Variants in FRK observed in about 807,000 individuals in gnomAD.
FRK encodes the protein tyrosine-protein kinase FRK.
Under a neutral mutation model 56.4 loss-of-function variants are expected in FRK, and 51 were observed. The ratio of observed to expected loss-of-function variants is 0.90; its 90% CI spans 0.72 to 1.14. The LOEUF is 1.14. Ranked by LOEUF, FRK falls within the 50% of genes most tolerant of loss-of-function variation. The pLI is 0.00. For missense variants in FRK, 570 were observed against 601.4 expected, an observed-to-expected ratio of 0.95 and a Z score of 0.55; for synonymous variants, 245 against 217.9, an observed-to-expected ratio of 1.12 and a Z score of -1.10.
chr6:115,997,288 G>A (rs1397362573), intron 2 of FRK, among the ~76,000 whole-genome samples: 1 of 152,016 alleles, frequency 6.6e-6, no homozygotes, highest in Non-Finnish European at 1.5e-5. Flanking sequence ...CACTAGAGAG[G>A]CCTATTATAT....
the FRK span, among the ~76,000 whole-genome samples, chr6:116,089,392 C>T: frequency 2.6e-5 from 4 of 152,322 alleles, no homozygotes; most frequent in Admixed American, 2.6e-4. Flanking sequence ...AAAATGAACT[C>T]TAGACTCTAA....
chr6:116,070,847 T>G, the FRK span, among the ~76,000 whole-genome samples: 1 of 152,168 alleles, frequency 6.6e-6, no homozygotes, highest in South Asian at 2.1e-4. Flanking sequence ...TGGATAGAGC[T>G]TCAAGAATTT....
chr6:116,064,910 C>G (rs1230917746), upstream of FRK, among the ~76,000 whole-genome samples: 3 of 152,202 alleles, frequency 2.0e-5, no homozygotes, highest in Non-Finnish European at 4.4e-5. Flanking sequence ...TTAGATCTCC[C>G]ATATGCCTCA....
the FRK span, among the ~76,000 whole-genome samples, chr6:116,066,926 G>A: frequency 6.6e-6 from 1 of 152,136 alleles, no homozygotes; most frequent in Non-Finnish European, 1.5e-5. Flanking sequence ...CATGTCTCAT[G>A]GGTTGAATTG....
intron 4 of FRK, 79 bp from the exon 5 acceptor site, chr6:115,956,689 A>T: frequency 8.7e-7 from 1 of 1,153,446 alleles, no homozygotes; most frequent in Non-Finnish European, 1.2e-6. Flanking sequence ...GGAATCATCA[A>T]GATTGCCTCC....
At chr6:116,082,119 C>T in the FRK span, among the ~76,000 whole-genome samples, 7 of 152,058 alleles carry the variant, frequency 4.6e-5, no homozygotes, top group South Asian at 8.3e-4. Flanking sequence ...AGTGATAAAC[C>T]GCTGAAAGAT....
In FRK at chr6:116,023,722, G is replaced by A. The variant is rs563397863; in HGVS notation, c.345-19724C>T. Among the ~76,000 whole-genome samples, 10 of 152,140 alleles carry A rather than the reference G, an allele frequency of 6.6e-5. No homozygotes were observed. The South Asian group carries it at 1.0e-3, about 16-fold the overall frequency. On this transcript the variant is annotated intron_variant, in intron 1 of 7. Coordinates refer to ENST00000606080, the MANE Select transcript of FRK (RefSeq NM_002031.3). ...CTGTTGTCCTGGTGCATAAGGAGGC[G>A]AGGTTTAGGCGTTCGAAGCCAGCCT... is the stretch of plus-strand genomic sequence containing the variant.
chr6:116,012,007 T>G (rs1362655352), intron 1 of FRK, among the ~76,000 whole-genome samples: 2 of 152,236 alleles, frequency 1.3e-5, no homozygotes, highest in Non-Finnish European at 2.9e-5. Flanking sequence ...TCGCAATTAT[T>G]TTGTTATTCA....
chr6:116,084,394 C>G, the FRK span, among the ~76,000 whole-genome samples: 2 of 152,174 alleles, frequency 1.3e-5, no homozygotes, highest in African/African-American at 4.8e-5. Context: ...TGGCTGGACT[C>G]ATTCATGGTC....
intron 2 of FRK, among the ~76,000 whole-genome samples, chr6:115,997,706 A>G (rs988413113): frequency 2.0e-5 from 3 of 152,106 alleles, no homozygotes; most frequent in African/African-American, 7.2e-5. Flanking sequence ...TCTCACCTCT[A>G]TTCTTTTCTC....
chr6:115,943,221 C>A, intron 6 of FRK, 36 bp from the exon 7 acceptor site: 2 of 1,478,892 alleles, frequency 1.4e-6, no homozygotes, highest in Non-Finnish European at 9.0e-7. Flanking sequence ...CGAGTTAAAG[C>A]AATTTTTTTT....
chr6:116,005,716 C>A (rs1018300974), intron 1 of FRK, among the ~76,000 whole-genome samples: 1 of 152,120 alleles, frequency 6.6e-6, no homozygotes, highest in African/African-American at 2.4e-5. Flanking sequence ...AACAGAAATG[C>A]ATGTTTTTGA....
At chr6:116,059,417 C>A (rs1393805661) in intron 1 of FRK, among the ~76,000 whole-genome samples, 1 of 151,988 alleles carries the variant, frequency 6.6e-6, no homozygotes, top group Non-Finnish European at 1.5e-5. Context: ...AAAAAAAAAT[C>A]TATATCATGA....
intron 1 of FRK, among the ~76,000 whole-genome samples, chr6:116,036,217 A>G (rs1257641432): frequency 4.6e-5 from 7 of 152,126 alleles, no homozygotes. Flanking sequence ...TCTTTCTATG[A>G]CAAATCTTCG....
intron 2 of FRK, among the ~76,000 whole-genome samples, chr6:115,996,071 C>T (rs1343802693): frequency 6.6e-6 from 1 of 152,104 alleles, no homozygotes; most frequent in Non-Finnish European, 1.5e-5. Context: ...AAAAGCAAAA[C>T]ATCTTTAACC....
chr6:115,976,669 T>C (rs1487913314), intron 2 of FRK, among the ~76,000 whole-genome samples: 1 of 152,138 alleles, frequency 6.6e-6, no homozygotes, highest in Non-Finnish European at 1.5e-5. Flanking sequence ...AATCAAGAAC[T>C]CACTCCCCTA....
At chr6:116,051,638 G>A (rs1259116507) in intron 1 of FRK, among the ~76,000 whole-genome samples, 2 of 152,006 alleles carry the variant, frequency 1.3e-5, no homozygotes, top group African/African-American at 4.8e-5. Context: ...TATCTGTAAG[G>A]AACCCTGCAA....
the FRK span, among the ~76,000 whole-genome samples, chr6:116,087,070 G>A: frequency 2.0e-4 from 31 of 152,326 alleles, no homozygotes; most frequent in South Asian, 4.1e-4. Flanking sequence ...AGCAGAGCGC[G>A]CAGCATGAAT....
chr6:115,947,580 C>T (rs1772518737), intron 5 of FRK, among the ~76,000 whole-genome samples: 1 of 152,216 alleles, frequency 6.6e-6, no homozygotes, highest in Admixed American at 6.5e-5. Context: ...AAATCTCCCA[C>T]ATCTTTATGG....
Sources: allele counts gnomAD v4.1 joint callset (sites outside exome capture counted in the v4.1 genomes callset), GRCh38; gene constraint gnomAD v4.1.1; transcripts MANE v1.5; gene names NCBI Gene and HGNC (gene_info 2026-07-23, HGNC 2026-07-21).